Variants in TYMS observed in about 807,000 individuals in gnomAD.
TYMS encodes thymidylate synthetase.
A neutral mutation model predicts 39.3 loss-of-function variants in TYMS; 21 were observed. That is an observed-to-expected ratio of 0.54 (90% CI 0.38 to 0.77). TYMS has a LOEUF of 0.77. TYMS is among the 30% of genes least tolerant of loss of function. The pLI is 0.00. For synonymous variants in TYMS, 171 were observed against 162.2 expected (o/e 1.05, Z -0.41); for missense variants, 273 against 406.7 (o/e 0.67, Z 2.83).
rs913081003 is a variant in TYMS at position 673,111 on chromosome 18, C to T, written c.*114C>T. 7.0e-6 allele frequency: 8 copies of T among 1,146,950 alleles called. No individual in the cohort carries two copies. The highest frequency in any genetic ancestry group is 4.8e-5 in the East Asian group (2 of 41,688). 71.0% of individuals were successfully genotyped at this position (1,146,950 alleles called of 1,614,324 possible). A position where few individuals can be genotyped will look rare whatever the true frequency, so the allele number is the denominator to read the frequency against. On this transcript the variant is annotated 3_prime_UTR_variant, in exon 7 of 7. Coordinates refer to ENST00000323274, the MANE Select transcript of TYMS (RefSeq NM_001071.4). ...AAAGGAACTAGGTCAAAAATCTGTC[C>T]GTGACCTATCAGTTATTAATTTTTA... is the stretch of plus-strand genomic sequence containing the variant.
rs1164810550 is a variant in TYMS at position 670,564 on chromosome 18, G to A, written c.557-128G>A. 7 of 968,686 alleles carry A rather than the reference G, an allele frequency of 7.2e-6. No homozygotes were observed. The Admixed American group carries it at 1.6e-4, about 23-fold the overall frequency. The allele number at this position is 968,686 out of a possible 1,614,324, so 60.0% of individuals were successfully genotyped here. ...AGAGGCTGTTATGGACATCACTGCA[G>A]CCCAGTGGCTCTCTCTCCTGGTCTC... On this transcript the variant is annotated intron_variant, in intron 4 of 6. Coordinates refer to ENST00000323274, the MANE Select transcript of TYMS (RefSeq NM_001071.4).
intron 3 of TYMS, among the ~76,000 whole-genome samples, chr18:667,352 T>A (rs865786593): frequency 3.8e-5 from 1 of 26,404 alleles, no homozygotes; most frequent in Non-Finnish European, 6.5e-5. Context: ...ATGGAGATGG[T>A]GATGGTGATG....
Position 658,358 on chromosome 18 carries a change from A to T in TYMS, c.205+411A>T. 7.7e-7 allele frequency: 1 copy of T among 1,299,202 alleles called. No individual in the cohort carries two copies. The highest frequency in any genetic ancestry group is 1.0e-6 in the Non-Finnish European group (1 of 995,754). The allele number at this position is 1,299,202 out of a possible 1,614,324, so 80.5% of individuals were successfully genotyped here. A position where few individuals can be genotyped will look rare whatever the true frequency, so the allele number is the denominator to read the frequency against. On this transcript the variant is annotated intron_variant, in intron 1 of 6. Transcript: ENST00000323274. The surrounding 1 kb of genome is among the most constrained non-coding windows in gnomAD (Gnocchi z 4.5). ...CCTCCTCCGTTTTCCCCTGTGGACC[A>T]TTCCGCTTCGCAGCGTTTTCAAAAA... is the stretch of plus-strand genomic sequence containing the variant.
intron 6 of TYMS, 66 bp from the exon 7 acceptor site, chr18:672,794 G>T: frequency 6.7e-7 from 1 of 1,490,992 alleles, no homozygotes; most frequent in South Asian, 1.4e-5. Context: ...TTGTTTCACG[G>T]ACATGAGGAG....
chr18:670,579 C>A (rs2074996164), intron 4 of TYMS, 113 bp from the exon 5 acceptor site: 4 of 1,177,748 alleles, frequency 3.4e-6, no homozygotes, highest in Non-Finnish European at 4.8e-6. Flanking sequence ...GTGGCTCTCT[C>A]TCCTGGTCTC....
At chr18:672,689 T>A (rs2075120216) in intron 6 of TYMS, 171 bp from the exon 7 acceptor site, 1 of 595,962 alleles carries the variant, frequency 1.7e-6, no homozygotes, top group South Asian at 3.5e-5. Flanking sequence ...AGAGAACAGC[T>A]GGTTGCGCTC....
chr18:659,804 G>GA, intron 2 of TYMS, 90 bp downstream of exon 2: 5 of 1,160,312 alleles, frequency 4.3e-6, no homozygotes, highest in South Asian at 1.2e-5. Flanking sequence ...AGCCAGGTGT[G>GA]GTGGCTCACG....
At chr18:662,798 AATG>A (rs1309296099) in intron 3 of TYMS, among the ~76,000 whole-genome samples, 1 of 150,798 alleles carries the variant, frequency 6.6e-6, no homozygotes, top group Non-Finnish European at 1.5e-5. Context: ...GTTTACTGAG[AATG>A]ATGATTTCCA....
At chr18:671,520 C>T (rs2853536) in intron 6 of TYMS, 69 bp downstream of exon 6, 349,655 of 988,694 alleles carry the variant, frequency 0.35, 67,077 homozygotes, top group East Asian at 0.67. Flanking sequence ...GTGGAACAGG[C>T]ATCTGCTCAA....
chr18:659,371 T>G (rs1174628947), intron 1 of TYMS, among the ~76,000 whole-genome samples: 46 of 152,258 alleles, frequency 3.0e-4, no homozygotes, highest in Non-Finnish European at 4.4e-5. Context: ...TTGCCACATG[T>G]TCATCCCTGC....
Position 669,812 on chromosome 18 carries a change from T to TAAC in TYMS, c.556+640_556+641insACA, listed in dbSNP as rs553618780. On this transcript the variant is annotated intron_variant, in intron 4 of 6. Transcript: ENST00000323274. ...TGTAAAATTCAACTCTACCAGGGTG[T>TAAC]AGAGCCAGGTGTGGTGGCTCACACC... Among the ~76,000 whole-genome samples the TAAC allele has an allele frequency of 1.8e-4, 27 of 152,046 alleles. 1 individual carries two copies. The East Asian group carries it at 2.1e-3, about 12-fold the overall frequency.
intron 6 of TYMS, chr18:672,352 C>T (rs1463061897): frequency 6.6e-6 from 1 of 152,378 alleles, no homozygotes; most frequent in African/African-American, 2.4e-5. Context: ...CTCTGGCTCT[C>T]TGCTCTGGTC....
intron 2 of TYMS, 47 bp from the exon 3 acceptor site, chr18:662,099 C>T (rs750754154): frequency 1.3e-6 from 2 of 1,550,222 alleles, no homozygotes; most frequent in Non-Finnish European, 1.7e-6. Context: ...ACTGAGATGG[C>T]TTAGGATTTA....
chr18:671,779 CCTTTT>C (rs1007533909), intron 6 of TYMS: 7 of 262,720 alleles, frequency 2.7e-5, no homozygotes, highest in African/African-American at 7.6e-5. Context: ...AAATGTTTTT[CCTTTT>C]CTTTTTTTTT....
At chr18:667,803 G>A (rs1400815475) in intron 3 of TYMS, 1 of 152,142 alleles carries the variant, frequency 6.6e-6, no homozygotes, top group African/African-American at 2.4e-5. Context: ...GGTGTCCGTA[G>A]GATGTGAGGC....
At chr18:663,983 T>G (rs201169423) in intron 3 of TYMS, among the ~76,000 whole-genome samples, 59 of 98,980 alleles carry the variant, frequency 6.0e-4, no homozygotes, top group South Asian at 6.4e-4. Flanking sequence ...TGGCTTAGGA[T>G]TGACTTGGCG....
At position 658,089 on chromosome 18, in the gene TYMS, C is replaced by T. The variant is rs1048796379; in HGVS notation, c.205+142C>T. 17 of 1,581,208 alleles carry T rather than the reference C, an allele frequency of 1.1e-5. No homozygotes were observed. Among genetic ancestry groups the T allele is most frequent in the Non-Finnish European group, 1.3e-5 (15 of 1,167,226 alleles). On this transcript the variant is annotated intron_variant, in intron 1 of 6. Transcript: ENST00000323274. This position sits in a 1 kb window ranked among gnomAD's most constrained non-coding sequence, Gnocchi z 4.5. ...GAGGGAGGGGACGCATCGTCCTCCT[C>T]GCCTTACAGACGCCGAAACGGAGGG... is the stretch of plus-strand genomic sequence containing the variant.
Position 658,624 on chromosome 18 carries a change from T to A in TYMS, c.205+677T>A, listed in dbSNP as rs1328063532. 3.9e-6 allele frequency: 1 copy of A among 255,988 alleles called. No individual in the cohort carries two copies. The highest frequency in any genetic ancestry group is 7.6e-6 in the Non-Finnish European group (1 of 131,918). The allele number at this position is 255,988 out of a possible 1,614,324, so 15.9% of individuals were successfully genotyped here. The stretch of plus-strand genomic sequence containing the variant: ...TCTCGCGGGTCATTGGCGCCAGGCT[T>A]TCAGGGGACAGTGGGGCGGGGCGGG... On this transcript the variant is annotated intron_variant, in intron 1 of 6. Transcript: ENST00000323274. The surrounding 1 kb of genome is among the most constrained non-coding windows in gnomAD (Gnocchi z 4.5).
At position 658,389 on chromosome 18, in the gene TYMS, G is replaced by C. The variant is rs1222047865; in HGVS notation, c.205+442G>C. On this transcript the variant is annotated intron_variant, in intron 1 of 6. Coordinates refer to ENST00000323274, the MANE Select transcript of TYMS (RefSeq NM_001071.4). This position sits in a 1 kb window ranked among gnomAD's most constrained non-coding sequence, Gnocchi z 4.5. ...CTTCGCAGCGTTTTCAAAAACTGGAGCGAAAGTGATGTGGGCGGGGCAAAG... is the reference window on the plus strand; with the variant it reads ...CTTCGCAGCGTTTTCAAAAACTGGACCGAAAGTGATGTGGGCGGGGCAAAG... The C allele has an allele frequency of 8.0e-7, 1 of 1,256,726 alleles. No individual in the cohort carries two copies. Among genetic ancestry groups the C allele is most frequent in the Admixed American group, 3.1e-5 (1 of 32,372 alleles). 77.8% of individuals were successfully genotyped at this position (1,256,726 alleles called of 1,614,324 possible). A position where few individuals can be genotyped will look rare whatever the true frequency, so the allele number is the denominator to read the frequency against.
Sources: allele counts gnomAD v4.1 joint callset (sites outside exome capture counted in the v4.1 genomes callset), GRCh38; gene constraint gnomAD v4.1.1; non-coding constraint Gnocchi (gnomAD v3.1); transcripts MANE v1.5; gene names NCBI Gene and HGNC (gene_info 2026-07-23, HGNC 2026-07-21).